Variants in PLCL2 observed in about 807,000 individuals in gnomAD.
PLCL2 encodes phospholipase C like 2, also known as inactive phospholipase C-like protein 2.
A neutral mutation model predicts 79.6 loss-of-function variants in PLCL2; 4 were observed. The observed-to-expected ratio is 0.05, with a 90% confidence interval of 0.02 to 0.11. The LOEUF is 0.11. Ranked by LOEUF, PLCL2 falls within the 10% of genes least tolerant of loss-of-function variation. PLCL2 has a pLI of 1.00. For missense variants in PLCL2, 895 were observed against 1,291.0 expected (o/e 0.69, Z 4.70); for synonymous variants, 484 against 457.7 (o/e 1.06, Z -0.73).
At chr3:17,000,685 G>A (rs1224814618) in intron 1 of PLCL2, among the ~76,000 whole-genome samples, 3 of 151,890 alleles carry the variant, frequency 2.0e-5, no homozygotes, top group Non-Finnish European at 2.9e-5. Flanking sequence ...TGTGACATTC[G>A]TCTTTCTGTG....
intron 5 of PLCL2, among the ~76,000 whole-genome samples, chr3:17,088,883 A>G (rs1247736241): frequency 6.6e-6 from 1 of 152,192 alleles, no homozygotes; most frequent in East Asian, 1.9e-4. Flanking sequence ...TTTCTGACCT[A>G]TATCATGTTA....
At chr3:16,915,540 A>G (rs1696973450) in intron 1 of PLCL2, among the ~76,000 whole-genome samples, 2 of 151,942 alleles carry the variant, frequency 1.3e-5, no homozygotes, top group South Asian at 4.1e-4. Context: ...GTTTAGATAT[A>G]TTTTTTTGTA....
intron 1 of PLCL2, among the ~76,000 whole-genome samples, chr3:16,954,354 A>C (rs1356595429): frequency 1.3e-5 from 2 of 152,022 alleles, no homozygotes; most frequent in Non-Finnish European, 2.9e-5. Flanking sequence ...AAGGACATGC[A>C]CTCATCATTT....
At position 16,987,053 on chromosome 3, in the gene PLCL2, A is replaced by T. The variant is rs74494740; in HGVS notation, c.328-22621A>T. 3.4e-3 allele frequency among the ~76,000 whole-genome samples: 522 copies of T among 151,704 alleles called. 7 individuals carry two copies. Among genetic ancestry groups the T allele is most frequent in the African/African-American group, 0.012 (482 of 41,318 alleles). ...CTGGGTGCCAGACCCCATAAATGTC[A>T]GACTTTTTTTTCCTGTACCTTCATT... On this transcript the variant is annotated intron_variant, in intron 1 of 5. Transcript: ENST00000615277.
intron 1 of PLCL2, among the ~76,000 whole-genome samples, chr3:16,926,278 G>A (rs1697247897): frequency 6.6e-6 from 1 of 152,122 alleles, no homozygotes; most frequent in Admixed American, 6.5e-5. Flanking sequence ...TCCAGAATCA[G>A]ACAGATGCAA....
intron 5 of PLCL2, among the ~76,000 whole-genome samples, chr3:17,071,763 C>T (rs2065062314): frequency 6.6e-6 from 1 of 152,050 alleles, no homozygotes; most frequent in South Asian, 2.1e-4. Context: ...AAAATACTGG[C>T]ACATCTCACA....
chr3:17,072,053 C>G (rs2065065296), intron 5 of PLCL2, among the ~76,000 whole-genome samples: 1 of 152,152 alleles, frequency 6.6e-6, no homozygotes. Context: ...TTTCGAACTC[C>G]TGACCTCAGG....
intron 5 of PLCL2, among the ~76,000 whole-genome samples, chr3:17,074,857 G>T (rs77859318): frequency 6.6e-6 from 1 of 152,210 alleles, no homozygotes; most frequent in African/African-American, 2.4e-5. Context: ...GAGAGTTAGG[G>T]CCTTGCTCTG....
At chr3:16,981,603 G>T (rs1303731466) in intron 1 of PLCL2, among the ~76,000 whole-genome samples, 1 of 152,176 alleles carries the variant, frequency 6.6e-6, no homozygotes, top group Non-Finnish European at 1.5e-5. Flanking sequence ...TATTTCGTTT[G>T]CAGCATGGGC....
intron 1 of PLCL2, among the ~76,000 whole-genome samples, chr3:16,894,624 T>C (rs993681588): frequency 3.3e-5 from 5 of 152,174 alleles, no homozygotes; most frequent in Non-Finnish European, 7.3e-5. Flanking sequence ...GTCTTTTTGC[T>C]TTTTGATTGT....
At chr3:17,062,840 C>G (rs982605828) in intron 4 of PLCL2, among the ~76,000 whole-genome samples, 1 of 152,132 alleles carries the variant, frequency 6.6e-6, no homozygotes, top group Non-Finnish European at 1.5e-5. Context: ...GGCCTGGTTT[C>G]TATTTCTGAA....
Position 17,089,850 on chromosome 3 carries a change from C to G in PLCL2, c.3322C>G (p.Gln1108Glu). 6.2e-7 allele frequency: 1 copy of G among 1,613,956 alleles called. No individual in the cohort carries two copies. The highest frequency in any genetic ancestry group is 8.5e-7 in the Non-Finnish European group (1 of 1,179,944). The change falls in exon 6 of 6, where the codon CAG becomes GAG. Residue 1108 changes from glutamine (Q) to glutamate (E), a missense_variant. Transcript: ENST00000615277. ...NKPGTENADV[Q>E]KPRRSLEVIP... ...ACCAGGCACCGAAAATGCTGATGTCCAGAAGCCACGCCGGAGCTTGGAAGT... is the reference window on the plus strand; with the variant it reads ...ACCAGGCACCGAAAATGCTGATGTCGAGAAGCCACGCCGGAGCTTGGAAGT...
intron 1 of PLCL2, among the ~76,000 whole-genome samples, chr3:16,901,171 A>C (rs576510676): frequency 2.0e-5 from 3 of 152,360 alleles, no homozygotes; most frequent in African/African-American, 7.2e-5. Flanking sequence ...TTATTTGGCA[A>C]GTCAGACCTG....
At chr3:17,021,178 G>T (rs1435084206) in intron 3 of PLCL2, among the ~76,000 whole-genome samples, 1 of 152,132 alleles carries the variant, frequency 6.6e-6, no homozygotes, top group Non-Finnish European at 1.5e-5. Flanking sequence ...AGGAAGGGAG[G>T]GTGGAAGGGA....
At chr3:17,077,746 C>A (rs4685426) in intron 5 of PLCL2, among the ~76,000 whole-genome samples, 3 of 152,022 alleles carry the variant, frequency 2.0e-5, no homozygotes, top group East Asian at 1.9e-4. Context: ...ACAGAGGAGT[C>A]GCCACAGATG....
chr3:16,935,688 A>G (rs1320510563), intron 1 of PLCL2, among the ~76,000 whole-genome samples: 2 of 152,102 alleles, frequency 1.3e-5, no homozygotes, highest in South Asian at 4.1e-4. Context: ...ATAATATTGG[A>G]ATTTCTGGGA....
chr3:17,032,204 C>T (rs571340461), intron 3 of PLCL2, among the ~76,000 whole-genome samples: 1 of 152,088 alleles, frequency 6.6e-6, no homozygotes, highest in South Asian at 2.1e-4. Flanking sequence ...AACTGGAACC[C>T]CTCCAGCGAC....
intron 1 of PLCL2, among the ~76,000 whole-genome samples, chr3:16,906,255 A>T (rs1352496654): frequency 6.6e-6 from 1 of 152,184 alleles, no homozygotes; most frequent in Non-Finnish European, 1.5e-5. Flanking sequence ...CCCAGTGAAT[A>T]AGTTGGCCCT....
At chr3:16,989,860 T>G (rs944166625) in intron 1 of PLCL2, among the ~76,000 whole-genome samples, 1 of 152,240 alleles carries the variant, frequency 6.6e-6, no homozygotes, top group African/African-American at 2.4e-5. Context: ...GTAGTTTTTT[T>G]TTCACTGTAT....
Sources: allele counts gnomAD v4.1 joint callset (sites outside exome capture counted in the v4.1 genomes callset), GRCh38; gene constraint gnomAD v4.1.1; transcripts MANE v1.5; gene names NCBI Gene and HGNC (gene_info 2026-07-23, HGNC 2026-07-21).